The following CEP170 variants were observed in gnomAD, a reference collection of about 807,000 sequenced individuals.
CEP170 encodes the protein centrosomal protein of 170 kDa.
A neutral mutation model predicts 151.9 loss-of-function variants in CEP170; 21 were observed. The observed-to-expected ratio is 0.14, with a 90% CI of 0.10 to 0.20. The LOEUF (loss-of-function observed/expected upper bound fraction) is 0.20, where lower values mean the gene tolerates loss of function less well. CEP170 is among the 10% of genes least tolerant of loss of function. The probability of loss-of-function intolerance (pLI) is 1.00; values close to 1 mark genes in which losing one functional copy is unlikely to be tolerated. For synonymous variants in CEP170, 356 were observed against 648.8 expected (o/e 0.55, Z 6.86); for missense variants, 964 against 1,892.9 (o/e 0.51, Z 9.11).
chr1:243,210,939 C>A (rs2061747368), intron 4 of CEP170, among the ~76,000 whole-genome samples: 1 of 151,868 alleles, frequency 6.6e-6, no homozygotes, highest in African/African-American at 2.4e-5. Flanking sequence ...TCGTAAATGT[C>A]AAGGAACAAT....
chr1:243,181,767 T>C (rs1324683041), intron 10 of CEP170, among the ~76,000 whole-genome samples: 3 of 152,208 alleles, frequency 2.0e-5, no homozygotes, highest in Non-Finnish European at 4.4e-5. Context: ...TTGCTCTGCT[T>C]TTTATTCCAA....
chr1:243,154,488 C>G (rs1433407379), intron 14 of CEP170, among the ~76,000 whole-genome samples: 1 of 152,176 alleles, frequency 6.6e-6, no homozygotes, highest in Non-Finnish European at 1.5e-5. Context: ...CCACCACCCT[C>G]CTTTTTTCTC....
At chr1:243,221,994 CAA>C (rs755892062) in intron 2 of CEP170, among the ~76,000 whole-genome samples, 181 bp from the exon 3 acceptor site, 13 of 152,256 alleles carry the variant, frequency 8.5e-5, no homozygotes, top group Non-Finnish European at 1.5e-4. Flanking sequence ...CATCACTGCC[CAA>C]AGAGGAAAAC....
rs185496566 is a variant in CEP170 at position 243,162,057 on chromosome 1, C to T, written c.3676+2227G>A. ...CTTGAGAGAATCTGAATATACAATC[C>T]TAGATTACAATATGGCTTTACACTC... On this transcript the variant is annotated intron_variant, in intron 13 of 19. Coordinates refer to ENST00000366542, the MANE Select transcript of CEP170 (RefSeq NM_014812.3). 2.0e-3 allele frequency among the ~76,000 whole-genome samples: 311 copies of T among 152,194 alleles called. 2 individuals are homozygous for T. The highest frequency in any genetic ancestry group is 7.1e-3 in the African/African-American group (293 of 41,506).
At chr1:243,251,472 C>T (rs1033386153) in intron 1 of CEP170, among the ~76,000 whole-genome samples, 1 of 152,138 alleles carries the variant, frequency 6.6e-6, no homozygotes, top group African/African-American at 2.4e-5. Flanking sequence ...TAACTCTATG[C>T]TTCAAATTTT....
At chr1:243,139,377 T>C (rs1216507227) in intron 16 of CEP170, among the ~76,000 whole-genome samples, 1 of 152,154 alleles carries the variant, frequency 6.6e-6, no homozygotes, top group African/African-American at 2.4e-5. Flanking sequence ...TGGTGAAATG[T>C]TGTTCACGTC....
intron 1 of CEP170, among the ~76,000 whole-genome samples, chr1:243,233,586 A>G (rs1310853211): frequency 6.6e-6 from 1 of 151,760 alleles, no homozygotes; most frequent in Non-Finnish European, 1.5e-5. Flanking sequence ...ACAAAAAATT[A>G]GCCGATTGTG....
At chr1:243,196,961 A>G (rs2060695164) in intron 7 of CEP170, among the ~76,000 whole-genome samples, 1 of 152,136 alleles carries the variant, frequency 6.6e-6, no homozygotes, top group Non-Finnish European at 1.5e-5. Flanking sequence ...GAGACCACTC[A>G]AACAACTGGT....
intron 1 of CEP170, among the ~76,000 whole-genome samples, chr1:243,247,912 T>C (rs1011544803): frequency 1.3e-5 from 2 of 152,206 alleles, no homozygotes; most frequent in African/African-American, 2.4e-5. Context: ...TCTACCTCGT[T>C]TGGCTACCAC....
At chr1:243,152,291 G>A (rs906647361) in intron 14 of CEP170, among the ~76,000 whole-genome samples, 8 of 149,674 alleles carry the variant, frequency 5.3e-5, no homozygotes, top group Admixed American at 1.3e-4. Context: ...GCGCCATCTC[G>A]GGTCACTGCA....
chr1:243,156,152 A>C, intron 14 of CEP170, 69 bp downstream of exon 14: 1 of 1,497,914 alleles, frequency 6.7e-7, no homozygotes, highest in Non-Finnish European at 8.9e-7. Context: ...AGTACAAGCT[A>C]AACTTTGTTA....
chr1:243,220,952 G>A (rs1014570378), intron 3 of CEP170, among the ~76,000 whole-genome samples: 1 of 152,154 alleles, frequency 6.6e-6, no homozygotes, highest in African/African-American at 2.4e-5. Flanking sequence ...AAGGCAAATG[G>A]TTGTGTTGTT....
At chr1:243,170,808 G>A (rs2148606761) in intron 11 of CEP170, among the ~76,000 whole-genome samples, 1 of 152,258 alleles carries the variant, frequency 6.6e-6, no homozygotes, top group East Asian at 1.9e-4. Context: ...AAACAGAATA[G>A]TAAGTATAGA....
At chr1:243,158,937 C>T (rs80259844) in intron 13 of CEP170, among the ~76,000 whole-genome samples, 3 of 151,588 alleles carry the variant, frequency 2.0e-5, no homozygotes, top group Admixed American at 6.6e-5. Flanking sequence ...CGTGGTAGGG[C>T]GCGCCTGTAA....
Position 243,246,425 on chromosome 1 carries a change from T to A in CEP170, c.-42+8615A>T, listed in dbSNP as rs957146692. ...TTTTGTATTTTTAGTAGAGACAGGG[T>A]TTCCCCATGTTGGCCAGGCTGGTCT... On this transcript the variant is annotated intron_variant, in intron 1 of 19. Coordinates refer to ENST00000366542, the MANE Select transcript of CEP170 (RefSeq NM_014812.3). Among the ~76,000 whole-genome samples the A allele has an allele frequency of 3.3e-5, 5 of 152,150 alleles. No individual in the cohort carries two copies. In the Middle Eastern group the frequency reaches 0.014, roughly 414 times the overall value.
At chr1:243,175,108 T>C (rs1311611423) in intron 10 of CEP170, 2 of 152,212 alleles carry the variant, frequency 1.3e-5, no homozygotes, top group East Asian at 1.9e-4. Flanking sequence ...CACTAAAAAC[T>C]TGATTTCCTC....
At chr1:243,170,710 C>T (rs34985677) in intron 11 of CEP170, among the ~76,000 whole-genome samples, 1 of 152,294 alleles carries the variant, frequency 6.6e-6, no homozygotes, top group East Asian at 1.9e-4. Context: ...AGGGGAATCG[C>T]GTGAACCCGG....
Position 243,225,636 on chromosome 1 carries a change from A to G in CEP170, c.-41-315T>C, listed in dbSNP as rs564540121. On this transcript the variant is annotated intron_variant, in intron 1 of 19. Coordinates refer to ENST00000366542, the MANE Select transcript of CEP170 (RefSeq NM_014812.3). The stretch of plus-strand genomic sequence containing the variant: ...AGTTTATAAAGGTCTATAATCCTCA[A>G]GTAAATGCTCATGTTAGCATCATGT... Among the ~76,000 whole-genome samples the G allele has an allele frequency of 2.1e-4, 32 of 152,346 alleles. No individual in the cohort carries two copies. The South Asian group carries it at 5.2e-3, about 25-fold the overall frequency.
rs568150019 is a variant in CEP170 at position 243,165,858 on chromosome 1, A to T, written c.2102T>A (p.Met701Lys). Residue 701 changes from methionine to lysine, a missense_variant, in exon 13 of 20, where the codon ATG becomes AAG. By Grantham distance (95) the Met-to-Lys change is moderately conservative (BLOSUM62 -1). Transcript: ENST00000366542. ...AGTCTCTCCATTTACTGCCCTGTTC[A>T]TTTTACTCAAGGGTCTGTCAGCATC... The part of the protein sequence containing the change: ...KQDADRPLSK[M>K]NRAVNGETLK... 1 of 1,613,798 alleles carries T rather than the reference A, an allele frequency of 6.2e-7. No homozygotes were observed. The highest frequency in any genetic ancestry group is 1.3e-5 in the African/African-American group (1 of 74,994).
Sources: allele counts gnomAD v4.1 joint callset (sites outside exome capture counted in the v4.1 genomes callset), GRCh38; gene constraint gnomAD v4.1.1; transcripts MANE v1.5; gene names NCBI Gene and HGNC (gene_info 2026-07-23, HGNC 2026-07-21).